AGFG1: variants seen among roughly 807,000 people sequenced by gnomAD.
The protein encoded by AGFG1 is ArfGAP with FG repeats 1, also known as arf-GAP domain and FG repeat-containing protein 1.
AGFG1 carries 10 observed loss-of-function variants against 60.6 expected under a neutral mutation model. That is an observed-to-expected ratio of 0.16 (90% CI 0.10 to 0.28). The LOEUF (loss-of-function observed/expected upper bound fraction) is 0.28. Ranked by LOEUF, AGFG1 falls within the 10% of genes least tolerant of loss-of-function variation. The pLI is 1.00. For missense variants in AGFG1, 537 were observed against 676.5 expected, an observed-to-expected ratio of 0.79 and a Z score of 2.29; for synonymous variants, 247 against 242.9, an observed-to-expected ratio of 1.02 and a Z score of -0.16.
chr2:227,500,983 G>A (rs911538826), intron 2 of AGFG1, among the ~76,000 whole-genome samples: 1 of 151,962 alleles, frequency 6.6e-6, no homozygotes, highest in South Asian at 2.1e-4. Context: ...TAGTAGAGAC[G>A]AGGGTTCATC....
chr2:227,551,534 A>C (rs1023836312), intron 10 of AGFG1, among the ~76,000 whole-genome samples: 4 of 152,110 alleles, frequency 2.6e-5, no homozygotes, highest in African/African-American at 9.7e-5. Context: ...AGGAACACAT[A>C]TTATGTTATG....
chr2:227,474,985 C>G (rs947391579), intron 1 of AGFG1, among the ~76,000 whole-genome samples: 1 of 152,010 alleles, frequency 6.6e-6, no homozygotes, highest in Non-Finnish European at 1.5e-5. Flanking sequence ...CACGTAATGC[C>G]TGGTATATAG....
At chr2:227,511,950 G>A (rs921542510) in intron 2 of AGFG1, among the ~76,000 whole-genome samples, 42 of 152,134 alleles carry the variant, frequency 2.8e-4, no homozygotes, top group African/African-American at 9.4e-4. Context: ...TAGTTTGGAG[G>A]GCTAATCAGG....
rs772399534 is a variant in AGFG1, at chr2:227,531,188, T to G, written c.792T>G (p.Ser264=). 6.2e-7 allele frequency: 1 copy of G among 1,613,764 alleles called. No homozygotes were observed. Among genetic ancestry groups the G allele is most frequent in the South Asian group, 1.1e-5 (1 of 91,030 alleles). The change falls in exon 6 of 13, where the codon TCT becomes TCG. Residue 264 remains serine, a synonymous_variant. Coordinates refer to ENST00000310078, the MANE Select transcript of AGFG1 (RefSeq NM_004504.5). ...GAGGTTTCCCCACAGCAAGTCACTC[T>G]CCTTTTCAGCCCCAAACTACAGGTA... ...NFGGFPTASH[S]PFQPQTTGGS...
Position 227,523,126 on chromosome 2 carries a change from G to A in AGFG1, c.378-637G>A, listed in dbSNP as rs544838873. Among the ~76,000 whole-genome samples the A allele has an allele frequency of 2.0e-5, 3 of 152,272 alleles. No individual in the cohort carries two copies. In the South Asian group the frequency reaches 6.2e-4, roughly 32 times the overall value. On this transcript the variant is annotated intron_variant, in intron 3 of 12. Transcript: ENST00000310078. ...GGAAGTGGCACTTCTGGTGCACAAAGCACACCTATTTATATATTTTAGTAG... is the reference window on the plus strand; with the variant it reads ...GGAAGTGGCACTTCTGGTGCACAAAACACACCTATTTATATATTTTAGTAG...
At chr2:227,545,924 A>G (rs990978764) in intron 10 of AGFG1, among the ~76,000 whole-genome samples, 4 of 152,182 alleles carry the variant, frequency 2.6e-5, no homozygotes, top group Non-Finnish European at 2.9e-5. Context: ...TCTCCCAGTT[A>G]GGCTACTGCG....
chr2:227,499,850 A>G (rs1417340899), intron 2 of AGFG1, among the ~76,000 whole-genome samples: 1 of 152,182 alleles, frequency 6.6e-6, no homozygotes, highest in Non-Finnish European at 1.5e-5. Context: ...CCTGGGAAAC[A>G]TAGCAGCTCA....
At chr2:227,535,851 G>A (rs1692293428) in intron 8 of AGFG1, among the ~76,000 whole-genome samples, 1 of 152,110 alleles carries the variant, frequency 6.6e-6, no homozygotes, top group African/African-American at 2.4e-5. Flanking sequence ...GTACATCAGG[G>A]GTTCACAAAC....
intron 2 of AGFG1, among the ~76,000 whole-genome samples, chr2:227,493,829 A>G (rs1690892768): frequency 6.6e-6 from 1 of 152,318 alleles, no homozygotes; most frequent in Non-Finnish European, 1.5e-5. Flanking sequence ...TAAGAATAAG[A>G]AGTATCAGCA....
At chr2:227,500,462 A>C (rs535603800) in intron 2 of AGFG1, among the ~76,000 whole-genome samples, 1 of 152,148 alleles carries the variant, frequency 6.6e-6, no homozygotes, top group Non-Finnish European at 1.5e-5. Flanking sequence ...TGGTTTGGCT[A>C]TCTGCTACAT....
chr2:227,501,430 G>C lies in AGFG1; in HGVS notation c.261+9790G>C, dbSNP rs1211113349. 3.3e-5 allele frequency among the ~76,000 whole-genome samples: 5 copies of C among 152,188 alleles called. No homozygotes were observed. In the South Asian group the frequency reaches 8.3e-4, roughly 25 times the overall value. ...TTCAGTATTCGTTCAATTTTTTGAG[G>C]TATAATTTACATACAGTGAAACTTA... On this transcript the variant is annotated intron_variant, in intron 2 of 12. Coordinates refer to ENST00000310078, the MANE Select transcript of AGFG1 (RefSeq NM_004504.5).
chr2:227,545,215 C>T (rs1692609656), intron 10 of AGFG1, among the ~76,000 whole-genome samples: 1 of 152,130 alleles, frequency 6.6e-6, no homozygotes, highest in Non-Finnish European at 1.5e-5. Flanking sequence ...ATTTGATGTT[C>T]AGTCACTGGT....
intron 5 of AGFG1, among the ~76,000 whole-genome samples, chr2:227,529,869 C>T (rs551555220): frequency 2.9e-4 from 44 of 151,228 alleles, no homozygotes; most frequent in African/African-American, 1.0e-3. Context: ...GTTTAGGATA[C>T]TAGATATATT....
chr2:227,503,411 T>C (rs1363021254), intron 2 of AGFG1, among the ~76,000 whole-genome samples: 1 of 152,202 alleles, frequency 6.6e-6, no homozygotes, highest in African/African-American at 2.4e-5. Context: ...TTTTCTGTTT[T>C]TAAAGATTGC....
At chr2:227,503,300 T>G (rs1224569135) in intron 2 of AGFG1, among the ~76,000 whole-genome samples, 1 of 152,010 alleles carries the variant, frequency 6.6e-6, no homozygotes, top group Non-Finnish European at 1.5e-5. Flanking sequence ...TATTATATAG[T>G]GTCATTTGTG....
At chr2:227,547,990 C>T (rs552107047) in intron 10 of AGFG1, among the ~76,000 whole-genome samples, 1 of 152,304 alleles carries the variant, frequency 6.6e-6, no homozygotes, top group South Asian at 2.1e-4. Context: ...CATACAATGA[C>T]AAATTACTTG....
Position 227,556,971 on chromosome 2 carries a change from G to T in AGFG1, c.*2476G>T, listed in dbSNP as rs1040022327. 1 of 152,106 alleles carries T rather than the reference G, an allele frequency of 6.6e-6. No homozygotes were observed. Among genetic ancestry groups the T allele is most frequent in the African/African-American group, 2.4e-5 (1 of 41,418 alleles). 9.4% of individuals were successfully genotyped at this position (152,106 alleles called of 1,614,324 possible). On this transcript the variant is annotated 3_prime_UTR_variant, in exon 13 of 13. Transcript: ENST00000310078. Reference sequence around the variant, plus strand: ...AAAGAAGAGAGGTAGCTTTAAAGTGGTTTTTCTCATGATATTCACTGTTTA... The same window carrying T: ...AAAGAAGAGAGGTAGCTTTAAAGTGTTTTTTCTCATGATATTCACTGTTTA...
At chr2:227,554,348 A>T (rs1426852786) in intron 12 of AGFG1, 88 bp from the exon 13 acceptor site, 30 of 1,129,972 alleles carry the variant, frequency 2.7e-5, no homozygotes, top group Non-Finnish European at 2.9e-5. Flanking sequence ...AAGTCTAATT[A>T]AAAAAATTAA....
rs34405103 is a variant in AGFG1 at position 227,484,677 on chromosome 2, G to GTTTTTTTT, written c.168-6867_168-6860dup. Among the ~76,000 whole-genome samples the GTTTTTTTT allele has an allele frequency of 1.7e-5, 2 of 115,906 alleles. 1 individual carries two copies. Among genetic ancestry groups the GTTTTTTTT allele is most frequent in the South Asian group, 5.5e-4 (2 of 3,646 alleles). 76.0% of individuals were successfully genotyped at this position (115,906 alleles called of 152,430 possible). On this transcript the variant is annotated intron_variant, in intron 1 of 12. Coordinates refer to ENST00000310078, the MANE Select transcript of AGFG1 (RefSeq NM_004504.5). ...AAGCTTCTTTAATGAAGATCTCTTA[G>GTTTTTTTT]TTTTTTTTTTGTTTTTTTTTTTTTT... is the stretch of plus-strand genomic sequence containing the variant.
Sources: gnomAD v4.1 joint callset for allele counts (sites outside exome capture counted in the v4.1 genomes callset) on GRCh38, gnomAD v4.1.1 for gene constraint, MANE v1.5 for transcripts, NCBI Gene and HGNC (gene_info 2026-07-23, HGNC 2026-07-21) for gene names.